Variants in AKR1C2 observed in about 807,000 individuals in gnomAD.
AKR1C2 encodes the protein aldo-keto reductase family 1 member C2.
Under a neutral mutation model 39.8 loss-of-function variants are expected in AKR1C2, and 27 were observed. That is an observed-to-expected ratio of 0.68 (90% confidence interval 0.50 to 0.93). The LOEUF (loss-of-function observed/expected upper bound fraction) is 0.93, where lower values mean the gene tolerates loss of function less well. AKR1C2 is among the 40% of genes least tolerant of loss of function. The pLI, the probability that AKR1C2 is intolerant of heterozygous loss-of-function variation, is 0.00. For synonymous variants in AKR1C2, 114 were observed against 137.9 expected (o/e 0.83, Z 1.22); for missense variants, 263 against 365.1 (o/e 0.72, Z 2.28).
rs528720676 is a variant in AKR1C2 at position 4,992,712 on chromosome 10, A to C, written c.847-799T>G. On this transcript the variant is annotated intron_variant, in intron 7 of 8. Transcript: ENST00000380753. ...ACGCCTATAATCCTAGCACTTTGGG[A>C]GGCCAGCGCAGGAGGATTGCCTGAT... Among the ~76,000 whole-genome samples, 3 of 152,366 alleles carry C rather than the reference A, an allele frequency of 2.0e-5. No homozygotes were observed. The East Asian group carries it at 5.8e-4, about 29-fold the overall frequency.
At chr10:5,015,383 C>A (rs1554775261) in intron 1 of AKR1C2, 15 of 152,190 alleles carry the variant, frequency 9.9e-5, no homozygotes, top group Non-Finnish European at 5.9e-5. Context: ...ACATACTTGA[C>A]AGTTATGTCC....
chr10:5,002,868 C>A (rs1837314086), intron 1 of AKR1C2, among the ~76,000 whole-genome samples: 1 of 152,174 alleles, frequency 6.6e-6, no homozygotes, highest in Non-Finnish European at 1.5e-5. Flanking sequence ...TACTTCCTCT[C>A]CATGCCAATT....
chr10:4,991,159 T>C (rs781818089), intron 8 of AKR1C2, among the ~76,000 whole-genome samples: 1 of 151,294 alleles, frequency 6.6e-6, no homozygotes, highest in Non-Finnish European at 1.5e-5. Context: ...GCATCTACAC[T>C]CTGCATTTGA....
Position 4,991,838 on chromosome 10 carries a change from G to A in AKR1C2, c.922C>T (p.Leu308Phe). 2 of 521,624 alleles carry A rather than the reference G, an allele frequency of 3.8e-6. No homozygotes were observed. Among genetic ancestry groups the A allele is most frequent in the Non-Finnish European group, 6.7e-6 (2 of 299,758 alleles). 32.3% of individuals were successfully genotyped at this position (521,624 alleles called of 1,614,324 possible). A position where few individuals can be genotyped will look rare whatever the true frequency, so the allele number is the denominator to read the frequency against. The change falls in exon 8 of 9, where the codon CTT becomes TTT. Residue 308 changes from leucine (L) to phenylalanine (F), a missense_variant. Leu to Phe is a conservative substitution (Grantham distance 22). Transcript: ENST00000380753. ...ATCTCCAAAATTACTTACATATCAAGGGTCAAATATCGCACATTTCTGTTT... is the reference window on the plus strand; with the variant it reads ...ATCTCCAAAATTACTTACATATCAAAGGTCAAATATCGCACATTTCTGTTT... Reference protein sequence around the residue: ...GLNRNVRYLTLDIFAGPPNYP... With the variant: ...GLNRNVRYLTFDIFAGPPNYP...
At chr10:5,015,469 C>T (rs1251877392) in intron 1 of AKR1C2, among the ~76,000 whole-genome samples, 1 of 152,126 alleles carries the variant, frequency 6.6e-6, no homozygotes, top group Admixed American at 6.5e-5. Context: ...CATAAATTCC[C>T]TCTGTGTTCT....
intron 4 of AKR1C2, among the ~76,000 whole-genome samples, chr10:4,998,960 G>C (rs1164233237): frequency 1.3e-5 from 2 of 152,160 alleles, no homozygotes; most frequent in Non-Finnish European, 2.9e-5. Context: ...GGAAAGTGGA[G>C]AGATTAATGT....
chr10:5,000,518 G>A lies in AKR1C2; in HGVS notation c.369+32C>T, dbSNP rs371629960. The A allele has an allele frequency of 6.2e-6, 10 of 1,613,284 alleles. No individual in the cohort carries two copies. The African/African-American group carries it at 1.1e-4, about 17-fold the overall frequency. On this transcript the variant is annotated intron_variant, in intron 3 of 8. Transcript: ENST00000380753. ...AACAATATTTATGCTGAGAACAAAA[G>A]TGAAATTAATTTGATCACACAAGCT...
chr10:5,009,264 CTG>C (rs2131721950), intron 1 of AKR1C2, among the ~76,000 whole-genome samples: 1 of 152,312 alleles, frequency 6.6e-6, no homozygotes, highest in Non-Finnish European at 1.5e-5. Context: ...GAAGAAACAA[CTG>C]TGTCACCAAT....
At chr10:5,013,843 C>T (rs1319366457) in intron 1 of AKR1C2, among the ~76,000 whole-genome samples, 1 of 152,226 alleles carries the variant, frequency 6.6e-6, no homozygotes, top group Non-Finnish European at 1.5e-5. Context: ...AAACTCTGCT[C>T]ATTAAACAAC....
intron 4 of AKR1C2, 98 bp from the exon 5 acceptor site, chr10:4,998,845 A>G (rs1837156815): frequency 1.3e-6 from 2 of 1,541,206 alleles, no homozygotes; most frequent in South Asian, 1.3e-5. Context: ...TCTAGACGTG[A>G]CAATCAAACT....
intron 1 of AKR1C2, among the ~76,000 whole-genome samples, chr10:5,010,107 A>G (rs1173821777): frequency 1.4e-5 from 2 of 144,142 alleles, no homozygotes; most frequent in African/African-American, 2.6e-5. Flanking sequence ...CAGAGGGTCC[A>G]TGGAGCTGCA....
intron 8 of AKR1C2, among the ~76,000 whole-genome samples, chr10:4,990,466 C>G (rs1433098613): frequency 6.6e-6 from 1 of 152,162 alleles, no homozygotes; most frequent in Admixed American, 6.5e-5. Flanking sequence ...GATAATTATA[C>G]TGGTAGTAAT....
At chr10:5,008,676 C>T (rs1837458684), upstream of AKR1C2, among the ~76,000 whole-genome samples, 2 of 152,200 alleles carry the variant, frequency 1.3e-5, no homozygotes, top group Admixed American at 1.3e-4. Flanking sequence ...GATGGAAGAT[C>T]AGGGAGGACA....
intron 7 of AKR1C2, among the ~76,000 whole-genome samples, chr10:4,993,244 T>C (rs1836903798): frequency 6.6e-6 from 1 of 152,194 alleles, no homozygotes; most frequent in South Asian, 2.1e-4. Context: ...GAAAAATATT[T>C]GTACCATACT....
chr10:5,015,503 A>T (rs1305522374), intron 1 of AKR1C2, among the ~76,000 whole-genome samples: 1 of 152,090 alleles, frequency 6.6e-6, no homozygotes, highest in African/African-American at 2.4e-5. Flanking sequence ...TACCCTCCCT[A>T]ACACAGACTC....
chr10:5,017,005 T>TGAAGTG lies in AKR1C2; in HGVS notation c.-88+894_-88+895insCACTTC, dbSNP rs558264326. Reference sequence around the variant, plus strand: ...ATGGCTGGGGCTGAAGTGGCTGGTATGCAGGGTGCCATGTCCCAAGACTTC... The same window carrying TGAAGTG: ...ATGGCTGGGGCTGAAGTGGCTGGTATGAAGTGGCAGGGTGCCATGTCCCAAGACTTC... On this transcript the variant is annotated intron_variant, in intron 1 of 6. Coordinates refer to the AKR1C2 transcript ENST00000604507. Among the ~76,000 whole-genome samples, 65 of 152,358 alleles carry TGAAGTG rather than the reference T, an allele frequency of 4.3e-4. No individual in the cohort carries two copies. In the East Asian group the frequency reaches 0.012, roughly 28 times the overall value.
intron 4 of AKR1C2, 118 bp downstream of exon 4, chr10:4,999,082 G>A (rs1222356619): frequency 1.5e-5 from 23 of 1,563,738 alleles, no homozygotes; most frequent in Non-Finnish European, 1.8e-5. Context: ...AACTACCTTT[G>A]TAAAGTTCCT....
chr10:5,017,963 G>GGA (rs149641510), upstream of AKR1C2: 3 of 151,394 alleles, frequency 2.0e-5, no homozygotes, highest in Non-Finnish European at 3.0e-5. Context: ...AGAGGGAGAG[G>GGA]GAGAGAGAGA....
At chr10:5,009,640 T>C (rs7075514) in intron 1 of AKR1C2, among the ~76,000 whole-genome samples, 35,754 of 151,536 alleles carry the variant, frequency 0.24, 4,750 homozygotes, top group East Asian at 0.59. Context: ...GCCTGGATAC[T>C]CGTGCCCCTA....
Sources: allele counts gnomAD v4.1 joint callset (sites outside exome capture counted in the v4.1 genomes callset), GRCh38; gene constraint gnomAD v4.1.1; transcripts MANE v1.5; gene names NCBI Gene and HGNC (gene_info 2026-07-23, HGNC 2026-07-21).